The following CAMTA1 variants were observed in gnomAD, a reference collection of about 807,000 sequenced individuals.
The protein encoded by CAMTA1 is calmodulin binding transcription activator 1.
A neutral mutation model predicts 170.9 loss-of-function variants in CAMTA1; 27 were observed. The ratio of observed to expected loss-of-function variants is 0.16; its 90% CI spans 0.12 to 0.22. The LOEUF (loss-of-function observed/expected upper bound fraction) is 0.22. Ranked by LOEUF, CAMTA1 falls within the 10% of genes least tolerant of loss-of-function variation. CAMTA1 has a pLI of 1.00. For synonymous variants in CAMTA1, 833 were observed against 891.5 expected (o/e 0.93, Z 1.17); for missense variants, 1,619 against 2,217.2 (o/e 0.73, Z 5.42).
chr1:7,499,666 CATGAGTGTGTGT>C (rs2093940923), intron 6 of CAMTA1, among the ~76,000 whole-genome samples: 1 of 119,588 alleles, frequency 8.4e-6, no homozygotes, highest in Non-Finnish European at 1.7e-5. Context: ...TGAGTGTGTG[CATGAGTGTGTGT>C]GAACCTGGTG....
At chr1:7,267,599 A>G (rs1227374595) in intron 5 of CAMTA1, among the ~76,000 whole-genome samples, 6 of 152,182 alleles carry the variant, frequency 3.9e-5, no homozygotes, top group Admixed American at 1.3e-4. Context: ...CCAGCAGGCC[A>G]AGGGTTTTAG....
chr1:7,507,078 C>T (rs1033495644), intron 6 of CAMTA1, among the ~76,000 whole-genome samples: 4 of 151,966 alleles, frequency 2.6e-5, no homozygotes, highest in Non-Finnish European at 5.9e-5. Context: ...CTCATATTGA[C>T]ACTCAAAATT....
chr1:7,141,574 G>A (rs1045063599), intron 4 of CAMTA1, among the ~76,000 whole-genome samples: 4 of 152,134 alleles, frequency 2.6e-5, no homozygotes, highest in African/African-American at 4.8e-5. Context: ...GATTCCCCAG[G>A]GCTGGCTCTA....
At position 7,570,470 on chromosome 1, in the gene CAMTA1, A is replaced by T. The variant is rs532765262; in HGVS notation, c.511-69930A>T. ...TGCATGTGCCAAGGGCTGGCCCAGG[A>T]TGTCGGCAGTCACCAGCAGGAGTTT... On this transcript the variant is annotated intron_variant, in intron 6 of 22. Transcript: ENST00000303635. The surrounding 1 kb of genome is among the most constrained non-coding windows in gnomAD (Gnocchi z 4.3). 2.6e-5 allele frequency among the ~76,000 whole-genome samples: 4 copies of T among 152,344 alleles called. No homozygotes were observed. In the South Asian group the frequency reaches 8.3e-4, roughly 32 times the overall value.
chr1:6,798,134 T>A (rs1374953454), intron 1 of CAMTA1, among the ~76,000 whole-genome samples: 2 of 151,840 alleles, frequency 1.3e-5, no homozygotes, highest in Non-Finnish European at 2.9e-5. Flanking sequence ...TAGCTAGGAT[T>A]ACAGGTGCTG....
intron 6 of CAMTA1, among the ~76,000 whole-genome samples, chr1:7,571,758 T>G (rs2095129221): frequency 6.6e-6 from 1 of 152,242 alleles, no homozygotes; most frequent in Non-Finnish European, 1.5e-5. Flanking sequence ...TTTAGATTGA[T>G]TCTATGTCTT....
At chr1:7,439,139 T>C (rs59894947) in intron 5 of CAMTA1, among the ~76,000 whole-genome samples, 14,752 of 152,164 alleles carry the variant, frequency 0.097, 2,098 homozygotes, top group African/African-American at 0.31. Flanking sequence ...CTCCAGGCCC[T>C]GCTGCTCCCA....
chr1:7,205,404 C>G (rs1162616213), intron 4 of CAMTA1, among the ~76,000 whole-genome samples: 1 of 152,158 alleles, frequency 6.6e-6, no homozygotes, highest in African/African-American at 2.4e-5. Context: ...TGCCCGGCCT[C>G]CAACTACTAT....
chr1:7,732,577 G>A lies in CAMTA1; in HGVS notation c.3044G>A (p.Gly1015Glu). ...AGCAGTGGAGGCGGCAGCGGGAGCG[G>A]GAATGGAGGGAGCCAGGCACAGGTA... ...GGSSGGGSGS[G>E]NGGSQAQCAS... Residue 1015 changes from glycine (G) to glutamate (E), a missense_variant, in exon 12 of 23, where the codon GGG (glycine) becomes GAG (glutamate). Coordinates refer to ENST00000303635, the MANE Select transcript of CAMTA1 (RefSeq NM_015215.4). The surrounding 1 kb of genome is among the most constrained non-coding windows in gnomAD (Gnocchi z 4.1). 2 of 1,609,780 alleles carry A rather than the reference G, an allele frequency of 1.2e-6. No homozygotes were observed.
At chr1:7,619,543 A>G (rs1386576696) in intron 6 of CAMTA1, among the ~76,000 whole-genome samples, 5 of 152,222 alleles carry the variant, frequency 3.3e-5, no homozygotes, top group Admixed American at 6.5e-5. Flanking sequence ...TCACATACCC[A>G]TTCCTAAATA....
At position 7,064,086 on chromosome 1, in the gene CAMTA1, C is replaced by CCTG. The variant is rs1012453106; in HGVS notation, c.235-27216_235-27215insGCT. Among the ~76,000 whole-genome samples, 1 of 151,152 alleles carries CCTG rather than the reference C, an allele frequency of 6.6e-6. No homozygotes were observed. Among genetic ancestry groups the CCTG allele is most frequent in the African/African-American group, 2.4e-5 (1 of 41,024 alleles). On this transcript the variant is annotated intron_variant, in intron 3 of 22. Coordinates refer to ENST00000303635, the MANE Select transcript of CAMTA1 (RefSeq NM_015215.4). This position sits in a 1 kb window ranked among gnomAD's most constrained non-coding sequence, Gnocchi z 5.4. ...TTCACCTTCTCCTCCTCCTCCTCCT[C>CCTG]CTTCTTCTCCTCCTTCTCTCCTTCC...
intron 11 of CAMTA1, among the ~76,000 whole-genome samples, chr1:7,726,601 G>A (rs950973878): frequency 2.0e-5 from 3 of 152,268 alleles, no homozygotes; most frequent in South Asian, 4.1e-4. Context: ...TGGGTTATGC[G>A]TCTGTCATCC....
intron 3 of CAMTA1, among the ~76,000 whole-genome samples, chr1:7,051,962 C>G (rs1350736818): frequency 6.6e-6 from 1 of 152,078 alleles, no homozygotes; most frequent in African/African-American, 2.4e-5. Flanking sequence ...GCAGCCTCCC[C>G]CTTCTTCCGC....
chr1:7,097,888 A>G (rs1487273305), intron 4 of CAMTA1, among the ~76,000 whole-genome samples: 3 of 152,340 alleles, frequency 2.0e-5, no homozygotes, highest in East Asian at 1.9e-4. Flanking sequence ...TAATGGGTAC[A>G]GCGTTTCAGC....
chr1:7,226,876 G>A (rs1004902756), intron 4 of CAMTA1, among the ~76,000 whole-genome samples: 1 of 151,012 alleles, frequency 6.6e-6, no homozygotes, highest in Non-Finnish European at 1.5e-5. Flanking sequence ...TCTGTCACCC[G>A]GGCTGGAGTG....
At chr1:7,301,011 G>A (rs917337129) in intron 5 of CAMTA1, among the ~76,000 whole-genome samples, 7 of 152,010 alleles carry the variant, frequency 4.6e-5, no homozygotes, top group East Asian at 1.9e-4. Context: ...TATGCAAGTC[G>A]GTATTAAATG....
chr1:6,828,286 C>CTTTTTTTT (rs746522147), intron 3 of CAMTA1, among the ~76,000 whole-genome samples: 20 of 69,746 alleles, frequency 2.9e-4, no homozygotes, highest in Admixed American at 6.4e-4. Context: ...TCATTCCATC[C>CTTTTTTTT]TTTTTTTTTT....
chr1:7,433,263 C>T (rs1038424547), intron 5 of CAMTA1, among the ~76,000 whole-genome samples: 5 of 152,208 alleles, frequency 3.3e-5, no homozygotes, highest in African/African-American at 7.2e-5. Flanking sequence ...CTGCCTGCAT[C>T]CTCCACCTGG....
intron 3 of CAMTA1, among the ~76,000 whole-genome samples, chr1:7,060,622 C>T (rs1458431993): frequency 6.6e-6 from 1 of 152,228 alleles, no homozygotes; most frequent in Non-Finnish European, 1.5e-5. Flanking sequence ...GTCTTAGACC[C>T]CTTGGGAAAA....
Sources: gnomAD v4.1 joint callset for allele counts (sites outside exome capture counted in the v4.1 genomes callset) on GRCh38, gnomAD v4.1.1 for gene constraint, Gnocchi (gnomAD v3.1) non-coding constraint, MANE v1.5 for transcripts, NCBI Gene and HGNC (gene_info 2026-07-23, HGNC 2026-07-21) for gene names.